Variants in TEX14 observed in about 807,000 individuals in gnomAD.
TEX14 encodes inactive serine/threonine-protein kinase TEX14.
TEX14 carries 168 observed loss-of-function variants against 178.6 expected under a neutral mutation model. That is an observed-to-expected ratio of 0.94 (90% CI 0.83 to 1.07). The LOEUF is 1.07. Ranked by LOEUF, TEX14 falls within the 50% of genes least tolerant of loss-of-function variation. The pLI is 0.00. For missense variants in TEX14, 1,730 were observed against 1,753.6 expected, an observed-to-expected ratio of 0.99 and a Z score of 0.24; for synonymous variants, 626 against 634.1, an observed-to-expected ratio of 0.99 and a Z score of 0.19.
intron 1 of TEX14, among the ~76,000 whole-genome samples, chr17:58,658,169 T>C (rs1475271456): frequency 6.6e-6 from 1 of 152,178 alleles, no homozygotes; most frequent in Non-Finnish European, 1.5e-5. Flanking sequence ...ACGAGACTGA[T>C]TTGAGTAACA....
intron 1 of TEX14, among the ~76,000 whole-genome samples, chr17:58,655,563 G>C (rs988868481): frequency 6.6e-6 from 1 of 151,870 alleles, no homozygotes; most frequent in Non-Finnish European, 1.5e-5. Context: ...CAGGTGATCC[G>C]CCTGCCTTGG....
Position 58,564,887 on chromosome 17 carries a change from A to C in TEX14, c.4046T>G (p.Leu1349Arg). 1 of 1,602,824 alleles carries C rather than the reference A, an allele frequency of 6.2e-7. No individual in the cohort carries two copies. The highest frequency in any genetic ancestry group is 8.5e-7 in the Non-Finnish European group (1 of 1,173,790). Residue 1349 changes from leucine (L) to arginine (R), a missense_variant, in exon 28 of 32, where the codon CTT (leucine) becomes CGT (arginine). Physicochemically the swap from Leu to Arg is moderately radical, Grantham distance 102 (BLOSUM62 -2). Around this residue, in one of 2 missense-constraint regions of TEX14, gnomAD observed 941 missense variants for 1,072.4 expected, o/e 0.88. Coordinates refer to ENST00000349033, the MANE Select transcript of TEX14 (RefSeq NM_031272.5). ...CTGTTACCTCTCTGTGTCCTCTCCA[A>C]GATCTTCAGTTTCTTTGGACAAAAG... ...SMLLSKETED[L>R]GEDTERAHST...
At chr17:58,581,745 G>A in intron 19 of TEX14, 1 of 1,605,390 alleles carries the variant, frequency 6.2e-7, no homozygotes, top group African/African-American at 1.3e-5. Context: ...TAATAATGTA[G>A]GAAATCACTT....
chr17:58,611,320 A>G lies in TEX14; in HGVS notation c.1025T>C (p.Leu342Pro). 1 of 1,613,280 alleles carries G rather than the reference A, an allele frequency of 6.2e-7. No individual in the cohort carries two copies. The highest frequency in any genetic ancestry group is 8.5e-7 in the Non-Finnish European group (1 of 1,179,606). The stretch of plus-strand genomic sequence containing the variant: ...CAGGTGCACAATCACCTCCATGTGC[A>G]GCACTGGGAACTGGGACCGCTGCAA... ...LHERRSQFPV[L>P]HMEVIVHLLL... The change falls in exon 10 of 32, where the codon CTG becomes CCG. Residue 342 changes from leucine (L) to proline (P), a missense_variant. Physicochemically the swap from Leu to Pro is moderately conservative, Grantham distance 98. Coordinates refer to ENST00000349033, the MANE Select transcript of TEX14 (RefSeq NM_031272.5).
rs1386860596 is a variant in TEX14, at chr17:58,597,269, CG to C, written c.2469+1606del. ...AAAAAATTAGCCAGGCATGGTGGCA[CG>C]TGACTGTAGTCCCAGCTACTCGGGA... On this transcript the variant is annotated intron_variant, in intron 14 of 31. Coordinates refer to ENST00000349033, the MANE Select transcript of TEX14 (RefSeq NM_031272.5). Among the ~76,000 whole-genome samples the C allele has an allele frequency of 2.0e-5, 3 of 151,764 alleles. No individual in the cohort carries two copies. In the East Asian group the frequency reaches 5.8e-4, roughly 30 times the overall value.
At chr17:58,608,951 G>A (rs184085380) in intron 10 of TEX14, among the ~76,000 whole-genome samples, 54 of 152,300 alleles carry the variant, frequency 3.5e-4, no homozygotes, top group Admixed American at 1.2e-3. Context: ...AAATGGGTCT[G>A]GACTTAATCT....
At chr17:58,686,735 G>C (rs1598441267) in intron 1 of TEX14, among the ~76,000 whole-genome samples, 6 of 151,982 alleles carry the variant, frequency 3.9e-5, no homozygotes, top group Admixed American at 3.9e-4. Context: ...TATGTCTGAG[G>C]CCTTAAAGAA....
At chr17:58,649,721 CAG>C (rs903210105) in intron 2 of TEX14, among the ~76,000 whole-genome samples, 7 of 152,066 alleles carry the variant, frequency 4.6e-5, no homozygotes, top group Admixed American at 1.3e-4. Flanking sequence ...CTGTGAGAAA[CAG>C]AGTTTTATTT....
chr17:58,674,273 C>T (rs2047353619), intron 1 of TEX14, among the ~76,000 whole-genome samples: 1 of 142,448 alleles, frequency 7.0e-6, no homozygotes, highest in Admixed American at 7.0e-5. Context: ...AAGACTCTGT[C>T]TCAAAAAAAA....
chr17:58,631,937 T>C (rs570380288), intron 2 of TEX14: 5 of 152,260 alleles, frequency 3.3e-5, no homozygotes, highest in Admixed American at 2.6e-4. Flanking sequence ...AATATTACTA[T>C]GTGTTTTTTC....
chr17:58,648,008 T>G (rs1449386882), intron 2 of TEX14: 1 of 152,344 alleles, frequency 6.6e-6, no homozygotes, highest in Non-Finnish European at 1.5e-5. Context: ...CGATTCCAAT[T>G]TCTTCCCTCC....
At chr17:58,626,023 C>T (rs1364883064) in intron 3 of TEX14, among the ~76,000 whole-genome samples, 2 of 151,932 alleles carry the variant, frequency 1.3e-5, no homozygotes, top group African/African-American at 2.4e-5. Flanking sequence ...GCTGGGATTA[C>T]AGGCGTGAGC....
At chr17:58,557,517 C>T (rs932585833) in intron 31 of TEX14, among the ~76,000 whole-genome samples, 3 of 151,948 alleles carry the variant, frequency 2.0e-5, no homozygotes, top group African/African-American at 7.3e-5. Flanking sequence ...GTGATCTGCC[C>T]GCCTCGGCCT....
At chr17:58,601,329 T>C (rs577581983) in intron 13 of TEX14, among the ~76,000 whole-genome samples, 1 of 152,210 alleles carries the variant, frequency 6.6e-6, no homozygotes, top group East Asian at 1.9e-4. Context: ...GAGACCATCC[T>C]GGCCAACATG....
intron 2 of TEX14, among the ~76,000 whole-genome samples, chr17:58,635,479 G>A (rs574483495): frequency 7.4e-4 from 111 of 149,780 alleles, no homozygotes; most frequent in Middle Eastern, 3.6e-3. Flanking sequence ...GCCCATGCTG[G>A]AGTACAGTGG....
At chr17:58,649,374 C>T (rs540406450) in intron 2 of TEX14, among the ~76,000 whole-genome samples, 2 of 152,262 alleles carry the variant, frequency 1.3e-5, no homozygotes, top group East Asian at 3.9e-4. Context: ...GTCATCACAC[C>T]TGGCCCTGTG....
At chr17:58,688,114 CTTTTT>C (rs1017145421) in intron 1 of TEX14, among the ~76,000 whole-genome samples, 13 of 151,990 alleles carry the variant, frequency 8.6e-5, no homozygotes, top group African/African-American at 2.9e-4. Flanking sequence ...CAATTATAGA[CTTTTT>C]TTGTTTTGTT....
chr17:58,608,602 A>C (rs907987390), intron 10 of TEX14, among the ~76,000 whole-genome samples: 6 of 152,232 alleles, frequency 3.9e-5, no homozygotes, highest in African/African-American at 1.4e-4. Context: ...TTTACTGAGC[A>C]CTTACCATAA....
In TEX14 at chr17:58,571,980, T is replaced by G; in HGVS notation, c.3658A>C (p.Lys1220Gln). ...DDFISVRERAKKLDSLLTSSE... is the reference protein window; with the variant it reads ...DDFISVRERAQKLDSLLTSSE... ...GAAGTAAGGAGAGAATCCAGTTTCT[T>G]TGCTCTCTCTCGGACACTTATAAAG... The change falls in exon 24 of 32, where the codon AAG becomes CAG. Residue 1220 changes from lysine to glutamine, a missense_variant. Physicochemically the swap from Lys to Gln is moderately conservative, Grantham distance 53. Transcript: ENST00000349033. 3.7e-6 allele frequency: 6 copies of G among 1,614,148 alleles called. No individual in the cohort carries two copies. Among genetic ancestry groups the G allele is most frequent in the Non-Finnish European group, 5.1e-6 (6 of 1,180,024 alleles).
Sources: allele counts gnomAD v4.1 joint callset (sites outside exome capture counted in the v4.1 genomes callset), GRCh38; gene constraint gnomAD v4.1.1; regional missense constraint gnomAD v4.1.1; transcripts MANE v1.5; gene names NCBI Gene and HGNC (gene_info 2026-07-23, HGNC 2026-07-21).